The following ROBO2 variants were observed in gnomAD, a reference collection of about 807,000 sequenced individuals.
The protein encoded by ROBO2 is roundabout homolog 2.
In ROBO2, 53 loss-of-function variants were observed where a neutral mutation model predicts 160.8. The observed-to-expected ratio is 0.33, with a 90% confidence interval of 0.26 to 0.41. The LOEUF (loss-of-function observed/expected upper bound fraction) is 0.41. ROBO2 is among the 10% of genes least tolerant of loss of function. The pLI is 1.00. For synonymous variants in ROBO2, 664 were observed against 611.7 expected (o/e 1.09, Z -1.26); for missense variants, 1,577 against 1,722.4 (o/e 0.92, Z 1.49).
chr3:76,088,656 A>G (rs2069110640), intron 2 of ROBO2, among the ~76,000 whole-genome samples: 1 of 152,106 alleles, frequency 6.6e-6, no homozygotes, highest in Non-Finnish European at 1.5e-5. Flanking sequence ...AATTAAAAAT[A>G]TATTTTGAAC....
At chr3:77,541,514 A>G (rs915890576) in intron 6 of ROBO2, among the ~76,000 whole-genome samples, 3 of 152,220 alleles carry the variant, frequency 2.0e-5, no homozygotes, top group Non-Finnish European at 2.9e-5. Flanking sequence ...CTCAAAACAC[A>G]GTTTCAAGTG....
intron 9 of ROBO2, among the ~76,000 whole-genome samples, chr3:77,561,472 C>A (rs1197749551): frequency 6.6e-6 from 1 of 152,084 alleles, no homozygotes; most frequent in African/African-American, 2.4e-5. Context: ...TTTTATTGAT[C>A]TTGGGGCTTT....
chr3:77,492,830 G>GT (rs2086299616), intron 4 of ROBO2, among the ~76,000 whole-genome samples: 1 of 152,002 alleles, frequency 6.6e-6, no homozygotes, highest in Non-Finnish European at 1.5e-5. Context: ...ATTAATATTT[G>GT]TTTTTTAAAT....
intron 2 of ROBO2, among the ~76,000 whole-genome samples, chr3:77,466,867 A>T (rs528636905): frequency 6.6e-6 from 1 of 152,342 alleles, no homozygotes; most frequent in Non-Finnish European, 1.5e-5. Context: ...AACTCATGAC[A>T]TCTGGCAGTT....
At chr3:77,296,544 A>G (rs1286592488) in intron 2 of ROBO2, among the ~76,000 whole-genome samples, 1 of 152,016 alleles carries the variant, frequency 6.6e-6, no homozygotes, top group Non-Finnish European at 1.5e-5. Context: ...TTTTTCCTAA[A>G]TTACTGATAC....
intron 2 of ROBO2, among the ~76,000 whole-genome samples, chr3:76,682,505 T>C (rs910273333): frequency 6.6e-6 from 1 of 151,884 alleles, no homozygotes; most frequent in East Asian, 1.9e-4. Context: ...ACCTCCTGGG[T>C]TCAAGCAGTT....
rs149507245 is a variant in ROBO2 at position 76,272,202 on chromosome 3, G to A, written c.109+334600G>A. 5.9e-3 allele frequency among the ~76,000 whole-genome samples: 897 copies of A among 152,092 alleles called. 8 individuals are homozygous for A. The highest frequency in any genetic ancestry group is 0.02 in the African/African-American group (841 of 41,496). ...TGTCCTTGAAGTTATGTAAAGTAGC[G>A]CTTGTCAAGCATTATGACCCAGGCA... On this transcript the variant is annotated intron_variant, in intron 2 of 26. Coordinates refer to the ROBO2 transcript ENST00000487694.
chr3:76,909,245 CCTTGTATAGTGAT>C (rs1336541922), intron 2 of ROBO2, among the ~76,000 whole-genome samples: 6 of 152,112 alleles, frequency 3.9e-5, no homozygotes, highest in Non-Finnish European at 8.8e-5. Context: ...GAGACATTGA[CCTTGTATAGTGAT>C]CTATTCAAAC....
At chr3:76,975,072 G>A (rs1419150949) in intron 2 of ROBO2, among the ~76,000 whole-genome samples, 1 of 152,120 alleles carries the variant, frequency 6.6e-6, no homozygotes, top group Admixed American at 6.6e-5. Context: ...ATGTAAATAC[G>A]TGTGAAAAAC....
At chr3:77,123,568 CT>C (rs1347993341) in intron 2 of ROBO2, among the ~76,000 whole-genome samples, 1 of 151,956 alleles carries the variant, frequency 6.6e-6, no homozygotes, top group East Asian at 1.9e-4. Flanking sequence ...TGGCCCTTGC[CT>C]TTTGACTGCT....
intron 20 of ROBO2, chr3:77,602,911 T>C: frequency 2.2e-6 from 1 of 459,896 alleles, no homozygotes; most frequent in South Asian, 1.5e-5. Context: ...GATGCCACTA[T>C]GACCTCTGCC....
chr3:76,118,710 C>A (rs986153184), intron 2 of ROBO2, among the ~76,000 whole-genome samples: 2 of 152,132 alleles, frequency 1.3e-5, no homozygotes, highest in African/African-American at 2.4e-5. Flanking sequence ...AACTTTTCCA[C>A]ATATAGACTG....
intron 2 of ROBO2, among the ~76,000 whole-genome samples, chr3:77,145,803 C>T (rs1335755146): frequency 6.6e-6 from 1 of 152,112 alleles, no homozygotes; most frequent in Non-Finnish European, 1.5e-5. Flanking sequence ...TTAATATTCC[C>T]TCATGTTAAC....
intron 2 of ROBO2, among the ~76,000 whole-genome samples, chr3:77,001,812 A>C (rs78685387): frequency 6.6e-6 from 1 of 151,876 alleles, no homozygotes; most frequent in Non-Finnish European, 1.5e-5. Flanking sequence ...GCTCCAAAAA[A>C]CTTTCTGCTT....
intron 2 of ROBO2, among the ~76,000 whole-genome samples, chr3:77,314,079 G>C (rs2063766811): frequency 6.6e-6 from 1 of 152,052 alleles, no homozygotes; most frequent in Non-Finnish European, 1.5e-5. Context: ...GGAAGCTTTT[G>C]TATCAACATA....
chr3:76,033,172 C>T (rs1326356998), intron 2 of ROBO2, among the ~76,000 whole-genome samples: 1 of 151,518 alleles, frequency 6.6e-6, no homozygotes, highest in East Asian at 1.9e-4. Context: ...AAATATGGTA[C>T]TTTTATCATG....
intron 2 of ROBO2, among the ~76,000 whole-genome samples, chr3:76,929,554 C>G (rs1406504557): frequency 6.6e-6 from 1 of 152,204 alleles, no homozygotes; most frequent in Admixed American, 6.5e-5. Flanking sequence ...AATTGTTCTC[C>G]CTGCTTCCAC....
intron 2 of ROBO2, among the ~76,000 whole-genome samples, chr3:77,103,928 TTTTTA>T (rs748727804): frequency 2.0e-5 from 3 of 152,196 alleles, no homozygotes; most frequent in Non-Finnish European, 4.4e-5. Context: ...AAATGTTTGT[TTTTTA>T]TTTTATTTTG....
chr3:76,983,263 G>T (rs1419385992), intron 2 of ROBO2, among the ~76,000 whole-genome samples: 1 of 152,020 alleles, frequency 6.6e-6, no homozygotes, highest in African/African-American at 2.4e-5. Flanking sequence ...CTCCAGGCTG[G>T]GTGACAGAGT....
Sources: gnomAD v4.1 joint callset for allele counts (sites outside exome capture counted in the v4.1 genomes callset) on GRCh38, gnomAD v4.1.1 for gene constraint, MANE v1.5 for transcripts, NCBI Gene and HGNC (gene_info 2026-07-23, HGNC 2026-07-21) for gene names.